The following FAM107B variants were observed in gnomAD, a reference collection of about 807,000 sequenced individuals.
FAM107B encodes the protein protein FAM107B.
FAM107B carries 21 observed loss-of-function variants against 31.5 expected under a neutral mutation model. The observed-to-expected ratio is 0.67, with a 90% CI of 0.47 to 0.96. The LOEUF is 0.96. Among genes scored for constraint, FAM107B ranks in the 40% least tolerant of loss-of-function variants. FAM107B has a pLI of 0.00. For synonymous variants in FAM107B, 157 were observed against 141.5 expected (o/e 1.11, Z -0.78); for missense variants, 452 against 377.1 (o/e 1.20, Z -1.64).
chr10:14,624,020 T>C (rs1853088052), intron 2 of FAM107B, among the ~76,000 whole-genome samples: 1 of 152,158 alleles, frequency 6.6e-6, no homozygotes, highest in Non-Finnish European at 1.5e-5. Flanking sequence ...TCCTGAAGAA[T>C]GGAGCATCAC....
At chr10:14,711,888 C>T (rs565019015) in intron 1 of FAM107B, among the ~76,000 whole-genome samples, 3 of 152,314 alleles carry the variant, frequency 2.0e-5, no homozygotes, top group South Asian at 4.1e-4. Flanking sequence ...AAGTAATCCG[C>T]CCACCTTGGC....
chr10:14,522,843 G>A (rs1237363259), intron 3 of FAM107B, among the ~76,000 whole-genome samples: 1 of 152,152 alleles, frequency 6.6e-6, no homozygotes, highest in Non-Finnish European at 1.5e-5. Flanking sequence ...AGGCACATCT[G>A]AGGTTATACC....
chr10:14,586,144 C>G (rs1292190411), intron 2 of FAM107B, among the ~76,000 whole-genome samples: 3 of 152,146 alleles, frequency 2.0e-5, no homozygotes, highest in Admixed American at 2.0e-4. Context: ...ACCTCCTGAC[C>G]CGAATTCCTC....
chr10:14,571,903 CAG>C, intron 2 of FAM107B: 8 of 985,456 alleles, frequency 8.1e-6, no homozygotes, highest in Non-Finnish European at 9.6e-6. Flanking sequence ...CGAACGGTTA[CAG>C]AGACTGACCT....
At chr10:14,527,878 A>C (rs1325359722) in intron 3 of FAM107B, 1 of 240,888 alleles carries the variant, frequency 4.2e-6, no homozygotes, top group African/African-American at 2.3e-5. Flanking sequence ...GAATAAAAGG[A>C]AAGAAACTGA....
intron 2 of FAM107B, among the ~76,000 whole-genome samples, chr10:14,603,895 G>C (rs1269099504): frequency 6.6e-6 from 1 of 151,098 alleles, no homozygotes; most frequent in Admixed American, 6.6e-5. Flanking sequence ...CACACGGCCA[G>C]GCAGTGCACA....
chr10:14,629,427 AATATATATTATATATATATT>A (rs1853279279), intron 2 of FAM107B, among the ~76,000 whole-genome samples: 1 of 23,438 alleles, frequency 4.3e-5, no homozygotes, highest in African/African-American at 1.6e-4. Context: ...TAATATATAT[AATATATATTATATATATATT>A]ATATATATAT....
chr10:14,771,560 T>G (rs940940324), intron 1 of FAM107B, among the ~76,000 whole-genome samples: 5 of 151,790 alleles, frequency 3.3e-5, no homozygotes, highest in Admixed American at 6.6e-5. Flanking sequence ...TACACATTTA[T>G]ACATGTATAC....
intron 2 of FAM107B, among the ~76,000 whole-genome samples, chr10:14,620,599 G>T (rs1852984975): frequency 6.6e-6 from 1 of 152,066 alleles, no homozygotes; most frequent in East Asian, 1.9e-4. Context: ...TCTTACATAG[G>T]TATACACGTG....
chr10:14,591,680 C>T lies in FAM107B; in HGVS notation c.470-61165G>A, dbSNP rs115816218. On this transcript the variant is annotated intron_variant, in intron 2 of 4. Coordinates refer to ENST00000181796, the MANE Select transcript of FAM107B (RefSeq NM_031453.4). ...CAAGCTGCCACCCACCACAGGACCC[C>T]AACGCTCAGTTTTAGAATCACTACA... Among the ~76,000 whole-genome samples, 913 of 152,304 alleles carry T rather than the reference C, an allele frequency of 6.0e-3. 10 individuals carry two copies. Among genetic ancestry groups the T allele is most frequent in the African/African-American group, 0.021 (884 of 41,548 alleles).
At position 14,530,512 on chromosome 10, in the gene FAM107B, C is replaced by A. The variant is rs1389813641; in HGVS notation, c.473G>T (p.Ser158Ile). Residue 158 changes from serine (S) to isoleucine (I), a missense_variant, in exon 3 of 5, where the codon AGC (serine) becomes ATC (isoleucine). Physicochemically the swap from Ser to Ile is moderately radical, Grantham distance 142. Coordinates refer to ENST00000181796, the MANE Select transcript of FAM107B (RefSeq NM_031453.4). ...LELEQKMTSD[S>I]PPEDIDHKDS... is the part of the protein sequence containing the mutation. Reference sequence around the variant, plus strand: ...CTTATGGTCAATATCCTCAGGTGGGCTGTCTGAAAGAGAAAGATGAGAAAC... The same window carrying A: ...CTTATGGTCAATATCCTCAGGTGGGATGTCTGAAAGAGAAAGATGAGAAAC... 3 of 1,611,092 alleles carry A rather than the reference C, an allele frequency of 1.9e-6. No homozygotes were observed. In the African/African-American group the frequency reaches 4.0e-5, roughly 22 times the overall value.
At chr10:14,730,160 C>A (rs1450780713) in intron 1 of FAM107B, among the ~76,000 whole-genome samples, 3 of 152,152 alleles carry the variant, frequency 2.0e-5, no homozygotes, top group Non-Finnish European at 4.4e-5. Flanking sequence ...ACCTATGAAA[C>A]AAACCTGCAT....
chr10:14,737,438 C>T (rs1443369921), intron 1 of FAM107B, among the ~76,000 whole-genome samples: 2 of 151,980 alleles, frequency 1.3e-5, no homozygotes, highest in Non-Finnish European at 2.9e-5. Context: ...CACAGTGAGA[C>T]CCCGTCTCTA....
At chr10:14,601,195 C>T (rs1852385640) in intron 2 of FAM107B, among the ~76,000 whole-genome samples, 1 of 152,204 alleles carries the variant, frequency 6.6e-6, no homozygotes, top group African/African-American at 2.4e-5. Flanking sequence ...CCTCCCCCAT[C>T]AACCTTAAAA....
chr10:14,767,099 G>C (rs1302703751), intron 1 of FAM107B, among the ~76,000 whole-genome samples: 30 of 110,008 alleles, frequency 2.7e-4, no homozygotes, highest in Admixed American at 3.9e-4. Context: ...GAGAGAGAGA[G>C]ACAGAGAGAG....
intron 2 of FAM107B, among the ~76,000 whole-genome samples, chr10:14,570,766 C>A (rs1851149614): frequency 6.6e-6 from 1 of 150,500 alleles, no homozygotes; most frequent in Non-Finnish European, 1.5e-5. Context: ...TGCACCACTG[C>A]ACTCCAGCCT....
At chr10:14,549,503 A>G (rs745755952) in intron 2 of FAM107B, among the ~76,000 whole-genome samples, 9 of 152,220 alleles carry the variant, frequency 5.9e-5, no homozygotes, top group Non-Finnish European at 1.0e-4. Context: ...GTTTAAATGT[A>G]AACACATTTG....
At chr10:14,756,827 G>A (rs1377357366) in intron 1 of FAM107B, among the ~76,000 whole-genome samples, 2 of 152,162 alleles carry the variant, frequency 1.3e-5, no homozygotes, top group African/African-American at 4.8e-5. Flanking sequence ...TTACTATGCA[G>A]CCATAAAAAG....
At chr10:14,554,518 T>C (rs1023852436) in intron 2 of FAM107B, among the ~76,000 whole-genome samples, 2 of 152,198 alleles carry the variant, frequency 1.3e-5, no homozygotes, top group Admixed American at 1.3e-4. Flanking sequence ...GGATGAAGGC[T>C]GGTACTGCTG....
Sources: allele counts gnomAD v4.1 joint callset (sites outside exome capture counted in the v4.1 genomes callset), GRCh38; gene constraint gnomAD v4.1.1; transcripts MANE v1.5; gene names NCBI Gene and HGNC (gene_info 2026-07-23, HGNC 2026-07-21).